The following SOCS5 variants were observed in gnomAD, a reference collection of about 807,000 sequenced individuals.
The protein encoded by SOCS5 is suppressor of cytokine signaling 5.
Under a neutral mutation model 42.8 loss-of-function variants are expected in SOCS5, and 32 were observed. The ratio of observed to expected loss-of-function variants is 0.75; its 90% CI spans 0.56 to 1.01. The LOEUF (loss-of-function observed/expected upper bound fraction) is 1.01, where lower values mean the gene tolerates loss of function less well. Ranked by LOEUF, SOCS5 falls within the 50% of genes least tolerant of loss-of-function variation. The probability of loss-of-function intolerance (pLI) is 0.00; values close to 1 mark genes in which losing one functional copy is unlikely to be tolerated. For missense variants in SOCS5, 627 were observed against 653.0 expected, an observed-to-expected ratio of 0.96 and a Z score of 0.43; for synonymous variants, 283 against 229.6, an observed-to-expected ratio of 1.23 and a Z score of -2.10.
Position 46,759,511 on chromosome 2 carries a change from T to C in SOCS5, c.981T>C (p.Asp327=). 6.2e-7 allele frequency: 1 copy of C among 1,613,998 alleles called. No homozygotes were observed. The highest frequency in any genetic ancestry group is 8.5e-7 in the Non-Finnish European group (1 of 1,179,870). ...IPQANCDSEE[D]TTTLCLQSRR... ...AAGCTAATTGTGACTCGGAAGAGGA[T>C]ACAACCACCCTGTGTTTGCAGTCAC... Residue 327 remains aspartate (D), a synonymous_variant, in exon 2 of 2, where the codon GAT becomes GAC. Coordinates refer to ENST00000394861, the MANE Select transcript of SOCS5 (RefSeq NM_144949.3).
At chr2:46,724,891 T>C (rs1360308340) in intron 1 of SOCS5, among the ~76,000 whole-genome samples, 1 of 152,024 alleles carries the variant, frequency 6.6e-6, no homozygotes, top group Non-Finnish European at 1.5e-5. Context: ...AGTTGGTTGA[T>C]GGTGTTCTAT....
At chr2:46,713,295 C>G (rs1308002668) in intron 1 of SOCS5, among the ~76,000 whole-genome samples, 1 of 152,138 alleles carries the variant, frequency 6.6e-6, no homozygotes, top group Non-Finnish European at 1.5e-5. Flanking sequence ...GGTTGAGGCT[C>G]CAGTGAGCTG....
rs35187667 is a variant in SOCS5 at position 46,716,367 on chromosome 2, A to ATTTTTTTTTTTTTTTTTTTTTTT, written c.-13+16925_-13+16947dup. ...GGATTTCATGATGTTGAGTGTCTTCATTTTTTTTTTTTTTTTTTTTTTTTT... is the reference window on the plus strand; with the variant it reads ...GGATTTCATGATGTTGAGTGTCTTCATTTTTTTTTTTTTTTTTTTTTTTTTTTTTTTTTTTTTTTTTTTTTTTT... On this transcript the variant is annotated intron_variant, in intron 1 of 1. Coordinates refer to ENST00000394861, the MANE Select transcript of SOCS5 (RefSeq NM_144949.3). 2.6e-3 allele frequency among the ~76,000 whole-genome samples: 45 copies of ATTTTTTTTTTTTTTTTTTTTTTT among 17,048 alleles called. 2 individuals are homozygous for ATTTTTTTTTTTTTTTTTTTTTTT. Among genetic ancestry groups the ATTTTTTTTTTTTTTTTTTTTTTT allele is most frequent in the Admixed American group, 4.8e-3 (5 of 1,038 alleles). 11.2% of individuals were successfully genotyped at this position (17,048 alleles called of 152,430 possible). A position where few individuals can be genotyped will look rare whatever the true frequency, so the allele number is the denominator to read the frequency against.
intron 1 of SOCS5, among the ~76,000 whole-genome samples, chr2:46,750,288 C>T (rs551538908): frequency 3.3e-5 from 5 of 152,176 alleles, no homozygotes; most frequent in African/African-American, 7.2e-5. Context: ...TGCCCTCCTA[C>T]GTGATACCAG....
intron 1 of SOCS5, among the ~76,000 whole-genome samples, chr2:46,710,465 G>GT (rs575780923): frequency 8.0e-4 from 122 of 152,250 alleles, no homozygotes; most frequent in Non-Finnish European, 1.3e-3. Context: ...TTTTTAAAAA[G>GT]TGGAAGTGTA....
At chr2:46,750,532 A>G (rs1466955056) in intron 1 of SOCS5, among the ~76,000 whole-genome samples, 1 of 152,166 alleles carries the variant, frequency 6.6e-6, no homozygotes, top group African/African-American at 2.4e-5. Context: ...ATTAAACTCC[A>G]TCCCTTGAAA....
intron 1 of SOCS5, among the ~76,000 whole-genome samples, chr2:46,716,894 A>G (rs533687413): frequency 5.4e-4 from 82 of 152,286 alleles, no homozygotes; most frequent in Non-Finnish European, 9.1e-4. Context: ...GTTTGGGCCC[A>G]CCACTGAGGT....
intron 1 of SOCS5, among the ~76,000 whole-genome samples, chr2:46,732,761 T>C (rs1298127452): frequency 2.6e-5 from 4 of 152,152 alleles, no homozygotes; most frequent in African/African-American, 9.7e-5. Flanking sequence ...CTTGACCCCT[T>C]TGAGAATATT....
In SOCS5 at chr2:46,758,827, T is replaced by A. The variant is rs755962679; in HGVS notation, c.297T>A (p.Asp99Glu). 5 of 1,614,062 alleles carry A rather than the reference T, an allele frequency of 3.1e-6. No individual in the cohort carries two copies. Reference sequence around the variant, plus strand: ...AAATAAGCATCGAAAAGGATAATGATTCTTGTGTTACCCCAGGAACAAGAC... The same window carrying A: ...AAATAAGCATCGAAAAGGATAATGAATCTTGTGTTACCCCAGGAACAAGAC... ...IVEISIEKDN[D>E]SCVTPGTRLA... Residue 99 changes from aspartate to glutamate, a missense_variant, in exon 2 of 2, where the codon GAT (aspartate) becomes GAA (glutamate). Physicochemically the swap from Asp to Glu is conservative, Grantham distance 45. Coordinates refer to ENST00000394861, the MANE Select transcript of SOCS5 (RefSeq NM_144949.3).
intron 1 of SOCS5, among the ~76,000 whole-genome samples, chr2:46,734,057 T>G (rs1178236625): frequency 6.6e-6 from 1 of 152,222 alleles, no homozygotes; most frequent in Non-Finnish European, 1.5e-5. Flanking sequence ...TTTTCTGATC[T>G]TTGACACTTT....
At chr2:46,729,247 T>C (rs1261216291) in intron 1 of SOCS5, among the ~76,000 whole-genome samples, 6 of 152,220 alleles carry the variant, frequency 3.9e-5, no homozygotes, top group Non-Finnish European at 8.8e-5. Context: ...AAATTCACAC[T>C]GTGTTACTCA....
rs936841944 is a variant in SOCS5, at chr2:46,699,423, A to G, written c.-39A>G. 2.8e-4 allele frequency: 43 copies of G among 152,012 alleles called. No homozygotes were observed. Among genetic ancestry groups the G allele is most frequent in the African/African-American group, 1.0e-3 (42 of 41,438 alleles). 9.4% of individuals were successfully genotyped at this position (152,012 alleles called of 1,614,324 possible). A position where few individuals can be genotyped will look rare whatever the true frequency, so the allele number is the denominator to read the frequency against. ...TCCTGCCTGGCCGCAGGTGCCCTGG[A>G]TGAGGCCGCCCCGCGCGCCCCAAAC... On this transcript the variant is annotated 5_prime_UTR_variant, in exon 1 of 2. It removes an upstream start codon present in the reference 5' UTR. Coordinates refer to ENST00000394861, the MANE Select transcript of SOCS5 (RefSeq NM_144949.3). The surrounding 1 kb of genome is among the most constrained non-coding windows in gnomAD (Gnocchi z 4.8).
rs142008347 is a variant in SOCS5 at position 46,724,388 on chromosome 2, C to T, written c.-13+24939C>T. ...TTCAGGCTTTCACCATTAAGCATGA[C>T]GTTAGCTGTAGGCATGTCCTTTTAT... On this transcript the variant is annotated intron_variant, in intron 1 of 1. Transcript: ENST00000394861. Among the ~76,000 whole-genome samples, 770 of 152,042 alleles carry T rather than the reference C, an allele frequency of 5.1e-3. 6 individuals are homozygous for T. The highest frequency in any genetic ancestry group is 0.01 in the Admixed American group (153 of 15,292).
In SOCS5 at chr2:46,762,630, C is replaced by T. The variant is rs1025402397; in HGVS notation, c.*2489C>T. 4.8e-5 allele frequency: 8 copies of T among 165,836 alleles called. No homozygotes were observed. Among genetic ancestry groups the T allele is most frequent in the African/African-American group, 1.9e-4 (8 of 41,440 alleles). 10.3% of individuals were successfully genotyped at this position (165,836 alleles called of 1,614,324 possible). Reference sequence around the variant, plus strand: ...TTTGTCTTAAAATATTAGTGGCTTACATTTTAAAAAAGAAAAATCACCAGC... The same window carrying T: ...TTTGTCTTAAAATATTAGTGGCTTATATTTTAAAAAAGAAAAATCACCAGC... On this transcript the variant is annotated 3_prime_UTR_variant, in exon 2 of 2. Coordinates refer to ENST00000394861, the MANE Select transcript of SOCS5 (RefSeq NM_144949.3).
chr2:46,713,607 AC>A (rs761692304), intron 1 of SOCS5, among the ~76,000 whole-genome samples: 1 of 151,296 alleles, frequency 6.6e-6, no homozygotes, highest in Admixed American at 6.6e-5. Flanking sequence ...CTTTCAAAGA[AC>A]CAACTTTTGA....
intron 1 of SOCS5, among the ~76,000 whole-genome samples, chr2:46,717,386 G>A (rs1672771731): frequency 1.3e-5 from 2 of 151,972 alleles, no homozygotes; most frequent in African/African-American, 4.8e-5. Flanking sequence ...ACTATTGTTT[G>A]GTATTTTGTC....
rs1451355750 is a variant in SOCS5, at chr2:46,758,550, T to C, written c.20T>C (p.Met7Thr). Residue 7 changes from methionine to threonine, a missense_variant, in exon 2 of 2, where the codon ATG (methionine) becomes ACG (threonine). Physicochemically the swap from Met to Thr is moderately conservative, Grantham distance 81. Coordinates refer to ENST00000394861, the MANE Select transcript of SOCS5 (RefSeq NM_144949.3). MDKVGK[M>T]WNNFKYRCQN... is the part of the protein sequence containing the mutation. ...TAATCAATGGATAAAGTGGGAAAAATGTGGAATAACTTCAAATACAGGTGT... is the reference window on the plus strand; with the variant it reads ...TAATCAATGGATAAAGTGGGAAAAACGTGGAATAACTTCAAATACAGGTGT... 1.9e-6 allele frequency: 3 copies of C among 1,589,570 alleles called. No homozygotes were observed. The South Asian group carries it at 3.5e-5, about 18-fold the overall frequency.
chr2:46,705,367 T>A (rs1403275249), intron 1 of SOCS5, among the ~76,000 whole-genome samples: 1 of 152,170 alleles, frequency 6.6e-6, no homozygotes, highest in Non-Finnish European at 1.5e-5. Flanking sequence ...GGTGTCAGAA[T>A]TGGTTTGAAT....
chr2:46,747,937 C>G (rs947159297), intron 1 of SOCS5, among the ~76,000 whole-genome samples: 4 of 152,110 alleles, frequency 2.6e-5, no homozygotes, highest in African/African-American at 9.7e-5. Context: ...TGTTAATAAA[C>G]TAAAGATTTC....
Sources: allele counts gnomAD v4.1 joint callset (sites outside exome capture counted in the v4.1 genomes callset), GRCh38; gene constraint gnomAD v4.1.1; non-coding constraint Gnocchi (gnomAD v3.1); transcripts MANE v1.5; gene names NCBI Gene and HGNC (gene_info 2026-07-23, HGNC 2026-07-21).